KCND3: variants seen among roughly 807,000 people sequenced by gnomAD.
KCND3 encodes the protein A-type voltage-gated potassium channel KCND3.
In KCND3, 9 loss-of-function variants were observed where a neutral mutation model predicts 51.1. The ratio of observed to expected loss-of-function variants is 0.18; its 90% confidence interval spans 0.11 to 0.31. KCND3 has a LOEUF of 0.31. Among genes scored for constraint, KCND3 ranks in the 10% least tolerant of loss-of-function variants. The pLI, the probability that KCND3 is intolerant of heterozygous loss-of-function variation, is 1.00. For missense variants in KCND3, 526 were observed against 903.8 expected, an observed-to-expected ratio of 0.58 and a Z score of 5.36; for synonymous variants, 349 against 368.0, an observed-to-expected ratio of 0.95 and a Z score of 0.59.
At chr1:111,818,284 C>T (rs1377116344) in intron 2 of KCND3, among the ~76,000 whole-genome samples, 5 of 152,262 alleles carry the variant, frequency 3.3e-5, no homozygotes, top group East Asian at 3.9e-4. Context: ...CGCCAGGGCC[C>T]GAGGCTTCCA....
At chr1:111,935,670 C>T (rs1672184886) in intron 2 of KCND3, among the ~76,000 whole-genome samples, 1 of 152,180 alleles carries the variant, frequency 6.6e-6, no homozygotes, top group South Asian at 2.1e-4. Context: ...GTACTAAGTC[C>T]TTCCCCGCAT....
intron 2 of KCND3, among the ~76,000 whole-genome samples, chr1:111,878,084 G>A (rs1669132898): frequency 6.6e-6 from 1 of 152,216 alleles, no homozygotes; most frequent in Admixed American, 6.5e-5. Flanking sequence ...GCTAACAGGT[G>A]GGGGATGATG....
chr1:111,848,299 G>A (rs754659064), intron 2 of KCND3, among the ~76,000 whole-genome samples: 8 of 152,320 alleles, frequency 5.3e-5, no homozygotes, highest in Non-Finnish European at 1.0e-4. Context: ...TCTATAGAGT[G>A]CTGAGTTCCT....
intron 2 of KCND3, among the ~76,000 whole-genome samples, chr1:111,881,504 G>T (rs1408446916): frequency 2.0e-5 from 3 of 152,184 alleles, no homozygotes; most frequent in Non-Finnish European, 2.9e-5. Context: ...AGACACATTT[G>T]TTTCTTTCCT....
intron 2 of KCND3, among the ~76,000 whole-genome samples, chr1:111,888,745 GA>G (rs959574216): frequency 2.0e-5 from 3 of 150,776 alleles, no homozygotes; most frequent in African/African-American, 7.3e-5. Context: ...CAGGTACAGA[GA>G]AACCCAAAGA....
chr1:111,898,492 G>A (rs539706640), intron 2 of KCND3, among the ~76,000 whole-genome samples: 4 of 152,300 alleles, frequency 2.6e-5, no homozygotes, highest in African/African-American at 7.2e-5. Flanking sequence ...TCTCCCTGGG[G>A]AGACTACAAG....
chr1:111,927,839 C>T (rs911550082), intron 2 of KCND3, among the ~76,000 whole-genome samples: 3 of 152,180 alleles, frequency 2.0e-5, no homozygotes, highest in African/African-American at 7.2e-5. Flanking sequence ...CCAGGGCTCA[C>T]TCCTCTTCCC....
At chr1:111,903,906 T>C (rs1670511877) in intron 2 of KCND3, among the ~76,000 whole-genome samples, 1 of 152,176 alleles carries the variant, frequency 6.6e-6, no homozygotes, top group Non-Finnish European at 1.5e-5. Flanking sequence ...TCCTGGTCTT[T>C]CTTATCTTAC....
Position 111,982,643 on chromosome 1 carries a change from G to C in KCND3, c.84C>G (p.Pro28=). 8 of 1,613,596 alleles carry C rather than the reference G, an allele frequency of 5.0e-6. No individual in the cohort carries two copies. The highest frequency in any genetic ancestry group is 6.8e-6 in the Non-Finnish European group (8 of 1,179,920). The change falls in exon 2 of 8, where the codon CCC becomes CCG. Residue 28 remains proline (P), a synonymous_variant. Coordinates refer to ENST00000302127, the MANE Select transcript of KCND3 (RefSeq NM_001378969.1). The surrounding 1 kb of genome is among the most constrained non-coding windows in gnomAD (Gnocchi z 8.5). ...GCTTGTTCTTGTCGGCCGGGGCCAG[G>C]GGCATGGGGCAGTTGGCCACCGGCA... The part of the protein sequence containing the change: ...GWMPVANCPM[P]LAPADKNKRQ...
At chr1:111,985,329 C>T (rs781203569) in intron 1 of KCND3, among the ~76,000 whole-genome samples, 1 of 152,150 alleles carries the variant, frequency 6.6e-6, no homozygotes, top group Non-Finnish European at 1.5e-5. Context: ...AAAGATGAAG[C>T]ATAAGGAGTT....
At chr1:111,818,005 C>T (rs1411785974) in intron 2 of KCND3, among the ~76,000 whole-genome samples, 3 of 151,714 alleles carry the variant, frequency 2.0e-5, no homozygotes, top group Admixed American at 1.3e-4. Flanking sequence ...TAGCCTAATA[C>T]CAGGTGTGAG....
rs1557775197 is a variant in KCND3, at chr1:111,989,590, C to CGAGCGCCCAGCAGCGCGGGG, written c.-178_-159dup. ...CCGGGAGCCGGGGCCGCGGAGGCGC[C>CGAGCGCCCAGCAGCGCGGGG]GAGCGCCCAGCAGCGCGGGGAAGCG... On this transcript the variant is annotated 5_prime_UTR_variant, in exon 1 of 8. Coordinates refer to ENST00000302127, the MANE Select transcript of KCND3 (RefSeq NM_001378969.1). 6.8e-6 allele frequency among the ~76,000 whole-genome samples: 1 copy of CGAGCGCCCAGCAGCGCGGGG among 148,062 alleles called. No individual in the cohort carries two copies. The highest frequency in any genetic ancestry group is 1.5e-5 in the Non-Finnish European group (1 of 66,476).
At chr1:111,828,707 G>A (rs900660203) in intron 2 of KCND3, among the ~76,000 whole-genome samples, 1 of 152,158 alleles carries the variant, frequency 6.6e-6, no homozygotes, top group Admixed American at 6.5e-5. Context: ...CCTGCCACCA[G>A]CTCTGCTCAG....
intron 2 of KCND3, among the ~76,000 whole-genome samples, chr1:111,959,837 A>C (rs1013731332): frequency 2.0e-5 from 3 of 152,030 alleles, no homozygotes; most frequent in Non-Finnish European, 4.4e-5. Flanking sequence ...GTCCCCACCC[A>C]AATCTCATCT....
At chr1:111,857,763 T>C (rs759681077) in intron 2 of KCND3, among the ~76,000 whole-genome samples, 13 of 151,826 alleles carry the variant, frequency 8.6e-5, no homozygotes, top group Non-Finnish European at 8.8e-5. Flanking sequence ...CTGATCCCCC[T>C]ATCTAAAGAG....
At chr1:111,783,088 G>A (rs1361569579) in intron 3 of KCND3, among the ~76,000 whole-genome samples, 2 of 150,856 alleles carry the variant, frequency 1.3e-5, no homozygotes. Context: ...TACTGCCACT[G>A]TAATGGGCTC....
intron 2 of KCND3, among the ~76,000 whole-genome samples, chr1:111,950,910 C>G (rs1176641268): frequency 1.3e-5 from 2 of 152,188 alleles, no homozygotes; most frequent in Non-Finnish European, 2.9e-5. Flanking sequence ...GTGGCTTATG[C>G]CTGTAATCCC....
intron 2 of KCND3, among the ~76,000 whole-genome samples, chr1:111,861,200 G>C (rs1668324523): frequency 6.6e-6 from 1 of 152,104 alleles, no homozygotes; most frequent in South Asian, 2.1e-4. Flanking sequence ...AGATGGCGTA[G>C]ATAACAATGG....
intron 2 of KCND3, among the ~76,000 whole-genome samples, chr1:111,960,103 C>A (rs558671675): frequency 6.6e-6 from 1 of 152,170 alleles, no homozygotes; most frequent in African/African-American, 2.4e-5. Flanking sequence ...GAGGCCTCCC[C>A]AGCCATTCAG....
Sources: gnomAD v4.1 joint callset for allele counts (sites outside exome capture counted in the v4.1 genomes callset) on GRCh38, gnomAD v4.1.1 for gene constraint, Gnocchi (gnomAD v3.1) non-coding constraint, MANE v1.5 for transcripts, NCBI Gene and HGNC (gene_info 2026-07-23, HGNC 2026-07-21) for gene names.